The following MAP1LC3B2 variants were observed in gnomAD, a reference collection of about 807,000 sequenced individuals.
MAP1LC3B2 encodes microtubule associated protein 1 light chain 3 beta 2, also known as microtubule-associated protein 1 light chain 3 beta 2.
For missense variants in MAP1LC3B2, 155 were observed against 154.6 expected, an observed-to-expected ratio of 1.00 and a Z score of -0.01; for synonymous variants, 62 against 57.8, an observed-to-expected ratio of 1.07 and a Z score of -0.33.
intron 1 of MAP1LC3B2, among the ~76,000 whole-genome samples, chr12:116,573,196 T>C (rs549999028): frequency 2.6e-5 from 4 of 152,358 alleles, no homozygotes; most frequent in Admixed American, 2.0e-4. Context: ...AGCACTGGCA[T>C]TACAGGCATG....
At chr12:116,573,116 G>A (rs149785304) in intron 1 of MAP1LC3B2, among the ~76,000 whole-genome samples, 1 of 152,140 alleles carries the variant, frequency 6.6e-6, no homozygotes, top group African/African-American at 2.4e-5. Context: ...TAGAGACAGC[G>A]TTTCACCACG....
chr12:116,569,511 A>C (rs1024461212), intron 1 of MAP1LC3B2, among the ~76,000 whole-genome samples: 31 of 152,338 alleles, frequency 2.0e-4, no homozygotes, highest in African/African-American at 7.2e-4. Flanking sequence ...AAATCCTTCA[A>C]GGACAAGGAC....
intron 1 of MAP1LC3B2, among the ~76,000 whole-genome samples, chr12:116,572,799 C>G (rs11068088): frequency 0.37 from 56,070 of 151,916 alleles, 12,668 homozygotes; most frequent in Non-Finnish European, 0.51. Context: ...ACTGCAGAGT[C>G]TTTAGGTCAA....
Position 116,560,230 on chromosome 12 carries a change from ATATATATATATG to A in MAP1LC3B2, c.-102+801_-102+812del, listed in dbSNP as rs1161126103. On this transcript the variant is annotated intron_variant, in intron 1 of 1. Transcript: ENST00000556529. Reference sequence around the variant, plus strand: ...TATATATATATATATATATATATATATATATATATATGTATGTATATGTATATATATATATTT... The same window carrying A: ...TATATATATATATATATATATATATATATGTATATGTATATATATATATTT... 97 of 94,972 alleles carry A rather than the reference ATATATATATATG, an allele frequency of 1.0e-3. 1 individual carries two copies. The highest frequency in any genetic ancestry group is 1.4e-3 in the Non-Finnish European group (64 of 45,554). 5.9% of individuals were successfully genotyped at this position (94,972 alleles called of 1,614,324 possible). A position where few individuals can be genotyped will look rare whatever the true frequency, so the allele number is the denominator to read the frequency against.
intron 1 of MAP1LC3B2, among the ~76,000 whole-genome samples, chr12:116,570,832 C>T (rs1369386144): frequency 6.6e-5 from 10 of 152,162 alleles, no homozygotes; most frequent in African/African-American, 1.9e-4. Flanking sequence ...GCATTTTCAA[C>T]GTATGATAGG....
In MAP1LC3B2 at chr12:116,575,888, C is replaced by A; in HGVS notation, c.-55C>A. ...TTCGCTGCCGCAGCAGCCGCCACCC[C>A]CAGGAGCCGCCGGGACCCTCGCGTC... On this transcript the variant is annotated 5_prime_UTR_variant, in exon 2 of 2. Transcript: ENST00000556529. 6.2e-7 allele frequency: 1 copy of A among 1,609,898 alleles called. No homozygotes were observed. The highest frequency in any genetic ancestry group is 8.5e-7 in the Non-Finnish European group (1 of 1,177,336).
intron 1 of MAP1LC3B2, among the ~76,000 whole-genome samples, chr12:116,564,393 AT>A (rs11431871): frequency 1.3e-3 from 187 of 144,380 alleles, no homozygotes; most frequent in African/African-American, 3.4e-3. Flanking sequence ...GACCAGCTTG[AT>A]TTTTTTTTTT....
intron 1 of MAP1LC3B2, among the ~76,000 whole-genome samples, chr12:116,574,413 G>A (rs933461330): frequency 1.3e-5 from 2 of 152,022 alleles, no homozygotes; most frequent in African/African-American, 4.8e-5. Context: ...GGCCGAGGTG[G>A]GCAGATCTCT....
intron 1 of MAP1LC3B2, among the ~76,000 whole-genome samples, chr12:116,564,979 A>G (rs572114064): frequency 5.3e-5 from 8 of 152,234 alleles, no homozygotes; most frequent in Non-Finnish European, 1.0e-4. Context: ...ATTGTTTTAT[A>G]TCTTTGGTCT....
At chr12:116,561,274 CA>C (rs548410686) in intron 1 of MAP1LC3B2, among the ~76,000 whole-genome samples, 1 of 144,462 alleles carries the variant, frequency 6.9e-6, no homozygotes, top group African/African-American at 2.7e-5. Flanking sequence ...GACCCTGTCT[CA>C]AAATAAAAAA....
chr12:116,568,064 C>G (rs1237249055), intron 1 of MAP1LC3B2, among the ~76,000 whole-genome samples: 1 of 152,204 alleles, frequency 6.6e-6, no homozygotes, highest in Non-Finnish European at 1.5e-5. Flanking sequence ...AATCTCCAGT[C>G]AGGCCTAACC....
In MAP1LC3B2 at chr12:116,576,525, T is replaced by C. The variant is rs1489615162; in HGVS notation, c.*205T>C. On this transcript the variant is annotated 3_prime_UTR_variant, in exon 2 of 2. Transcript: ENST00000556529. ...TGAGCACATTCAGCTTTGGAAACTA[T>C]ATTATTTAATGTAGGCTAGCTTGTT... is the stretch of plus-strand genomic sequence containing the variant. 5 of 597,718 alleles carry C rather than the reference T, an allele frequency of 8.4e-6. No individual in the cohort carries two copies. The highest frequency in any genetic ancestry group is 5.8e-5 in the East Asian group (2 of 34,206). 37.0% of individuals were successfully genotyped at this position (597,718 alleles called of 1,614,324 possible). A position where few individuals can be genotyped will look rare whatever the true frequency, so the allele number is the denominator to read the frequency against.
chr12:116,564,101 T>G (rs1051412540), intron 1 of MAP1LC3B2, among the ~76,000 whole-genome samples: 1 of 152,184 alleles, frequency 6.6e-6, no homozygotes, highest in South Asian at 2.1e-4. Context: ...TGGTTCTTTT[T>G]TTATAGCTTC....
At chr12:116,573,728 G>T (rs1273350530) in intron 1 of MAP1LC3B2, among the ~76,000 whole-genome samples, 1 of 152,098 alleles carries the variant, frequency 6.6e-6, no homozygotes, top group Non-Finnish European at 1.5e-5. Context: ...TGTTGGCCAG[G>T]CTGGTCTCAA....
chr12:116,560,244 ATGTATATG>A (rs1869235918), intron 1 of MAP1LC3B2, among the ~76,000 whole-genome samples: 1 of 106,882 alleles, frequency 9.4e-6, no homozygotes. Flanking sequence ...ATATATATGT[ATGTATATG>A]TATATATATA....
rs186349845 is a variant in MAP1LC3B2 at position 116,572,619 on chromosome 12, C to T, written c.-101-3223C>T. Reference sequence around the variant, plus strand: ...GACCTTTTGATCCGCCCGCCTCAGCCTCCCAAAGTGCTGGGATTACAGGCG... The same window carrying T: ...GACCTTTTGATCCGCCCGCCTCAGCTTCCCAAAGTGCTGGGATTACAGGCG... On this transcript the variant is annotated intron_variant, in intron 1 of 1. Coordinates refer to ENST00000556529, the MANE Select transcript of MAP1LC3B2 (RefSeq NM_001085481.3). Among the ~76,000 whole-genome samples the T allele has an allele frequency of 4.5e-3, 687 of 152,356 alleles. 7 individuals carry two copies. The highest frequency in any genetic ancestry group is 0.016 in the African/African-American group (672 of 41,590).
At chr12:116,575,806 C>T in intron 1 of MAP1LC3B2, 36 bp from the exon 2 acceptor site, 7 of 943,510 alleles carry the variant, frequency 7.4e-6, no homozygotes, top group Non-Finnish European at 1.1e-5. Flanking sequence ...GTTTCTGCCA[C>T]AACTACTCAG....
intron 1 of MAP1LC3B2, among the ~76,000 whole-genome samples, chr12:116,564,796 C>G (rs990164151): frequency 1.3e-5 from 2 of 152,180 alleles, no homozygotes; most frequent in African/African-American, 2.4e-5. Context: ...TATAATCTCT[C>G]TCTTCAACTC....
chr12:116,561,752 TCTC>T (rs1303478921), intron 1 of MAP1LC3B2, among the ~76,000 whole-genome samples: 2 of 152,216 alleles, frequency 1.3e-5, no homozygotes, highest in Non-Finnish European at 1.5e-5. Flanking sequence ...TGGGCCTCTG[TCTC>T]CTCATCTGTC....
Sources: allele counts gnomAD v4.1 joint callset (sites outside exome capture counted in the v4.1 genomes callset), GRCh38; gene constraint gnomAD v4.1.1; transcripts MANE v1.5; gene names NCBI Gene and HGNC (gene_info 2026-07-23, HGNC 2026-07-21).